USP50: variants seen among roughly 807,000 people sequenced by gnomAD.
The protein encoded by USP50 is ubiquitin carboxyl-terminal hydrolase 50.
In USP50, 37 loss-of-function variants were observed where a neutral mutation model predicts 39.2. The observed-to-expected ratio is 0.94, with a 90% CI of 0.73 to 1.24. The LOEUF (loss-of-function observed/expected upper bound fraction) is 1.24, where lower values mean the gene tolerates loss of function less well. Ranked by LOEUF, USP50 falls within the 50% of genes most tolerant of loss-of-function variation. The pLI, the probability that USP50 is intolerant of heterozygous loss-of-function variation, is 0.00. For synonymous variants in USP50, 139 were observed against 144.5 expected (o/e 0.96, Z 0.27); for missense variants, 374 against 398.2 (o/e 0.94, Z 0.52).
chr15:50,527,611 C>T (rs1484528628), intron 6 of USP50, among the ~76,000 whole-genome samples: 1 of 151,572 alleles, frequency 6.6e-6, no homozygotes, highest in Non-Finnish European at 1.5e-5. Context: ...TGTCATGCAT[C>T]ATAATTTCAA....
At position 50,546,600 on chromosome 15, in the gene USP50, C is replaced by G. The variant is rs1365291267; in HGVS notation, c.-75G>C. The G allele has an allele frequency of 1.1e-5, 17 of 1,542,996 alleles. No individual in the cohort carries two copies. Among genetic ancestry groups the G allele is most frequent in the Non-Finnish European group, 1.4e-5 (16 of 1,117,322 alleles). ...TTCCTTTCAACTTCATTTCTCTGAG[C>G]CTGTTAACGCTGGCTTTTTGTTTTA... On this transcript the variant is annotated 5_prime_UTR_variant, in exon 1 of 7. Transcript: ENST00000532404.
intron 1 of USP50, among the ~76,000 whole-genome samples, chr15:50,545,714 C>T (rs1186099940): frequency 6.6e-6 from 1 of 151,780 alleles, no homozygotes; most frequent in Admixed American, 6.6e-5. Flanking sequence ...CACACATATA[C>T]ACGGAGAGGA....
At chr15:50,519,453 G>A (rs763168173) in intron 6 of USP50, among the ~76,000 whole-genome samples, 12 of 150,740 alleles carry the variant, frequency 8.0e-5, no homozygotes, top group East Asian at 2.0e-4. Flanking sequence ...GGTGGCTCAC[G>A]CCTGTAATCC....
rs777593489 is a variant in USP50, at chr15:50,541,218, C to T, written c.491G>A (p.Arg164Lys). Residue 164 changes from arginine (R) to lysine (K), a missense_variant, in exon 4 of 7, where the codon AGA (arginine) becomes AAA (lysine). Arg to Lys is a conservative substitution (Grantham distance 26). Coordinates refer to ENST00000532404, the MANE Select transcript of USP50 (RefSeq NM_203494.5). ...AGTGGTAATCCACTTCCTGCAGCATCTCTGAGTAGATCCTTTCTCATATGA... is the reference window on the plus strand; with the variant it reads ...AGTGGTAATCCACTTCCTGCAGCATTTCTGAGTAGATCCTTTCTCATATGA... ...RRSYEKGSTQRCCRKWITTET... is the reference protein window; with the variant it reads ...RRSYEKGSTQKCCRKWITTET... 1.2e-6 allele frequency: 2 copies of T among 1,613,936 alleles called. No individual in the cohort carries two copies. The highest frequency in any genetic ancestry group is 1.7e-5 in the Admixed American group (1 of 60,014).
chr15:50,497,340 C>G (rs1210420605), downstream of USP50: 1 of 1,341,192 alleles, frequency 7.5e-7, no homozygotes, highest in Non-Finnish European at 9.9e-7. Context: ...TAACAAAGGG[C>G]GATTATCTGG....
intron 6 of USP50, among the ~76,000 whole-genome samples, chr15:50,523,175 C>CTTTTTTTTTTTTTTTTTTTTT (rs57450027): frequency 1.9e-5 from 2 of 104,208 alleles, no homozygotes; most frequent in African/African-American, 7.4e-5. Flanking sequence ...AAATCAGTAG[C>CTTTTTTTTTTTTTTTTTTTTT]TTTTTTTTTT....
At chr15:50,545,003 C>T (rs1445004988) in intron 1 of USP50, among the ~76,000 whole-genome samples, 6 of 151,920 alleles carry the variant, frequency 3.9e-5, no homozygotes, top group Admixed American at 1.3e-4. Context: ...TTTGGGAGGC[C>T]GAGGTGGGAG....
chr15:50,493,825 C>T (rs2052269882), downstream of USP50: 1 of 646,554 alleles, frequency 1.5e-6, no homozygotes, highest in Non-Finnish European at 2.8e-6. Flanking sequence ...ACCTCGCTGT[C>T]ATGAACTGGA....
At chr15:50,516,139 A>G (rs1200489452) in intron 6 of USP50, among the ~76,000 whole-genome samples, 1 of 152,214 alleles carries the variant, frequency 6.6e-6, no homozygotes, top group African/African-American at 2.4e-5. Flanking sequence ...CACAAAGCCA[A>G]AACCTAAAAA....
chr15:50,507,482 C>G (rs968019023), intron 6 of USP50: 3 of 152,102 alleles, frequency 2.0e-5, no homozygotes, highest in Admixed American at 6.5e-5. Context: ...AGCTATACAT[C>G]AGCTAAAATG....
chr15:50,530,464 A>G (rs906410948), intron 5 of USP50, among the ~76,000 whole-genome samples: 2 of 151,252 alleles, frequency 1.3e-5, no homozygotes, highest in Non-Finnish European at 2.9e-5. Context: ...GATGCCTGTA[A>G]TCCCAGCTAC....
chr15:50,544,360 TCAA>T (rs1022376659), intron 2 of USP50, among the ~76,000 whole-genome samples: 4 of 150,696 alleles, frequency 2.7e-5, no homozygotes, highest in Non-Finnish European at 4.4e-5. Context: ...AGACCCTGGC[TCAA>T]CAACAACAAT....
At chr15:50,521,727 C>T (rs1419393489) in intron 6 of USP50, among the ~76,000 whole-genome samples, 2 of 152,108 alleles carry the variant, frequency 1.3e-5, no homozygotes, top group Admixed American at 6.5e-5. Flanking sequence ...CTTTGGGAGG[C>T]CAAGGCAGGT....
chr15:50,505,215 C>T (rs888563420), intron 6 of USP50: 1 of 151,738 alleles, frequency 6.6e-6, no homozygotes, highest in Non-Finnish European at 1.5e-5. Context: ...GGAAATGCAG[C>T]GAGCCAGGGA....
At chr15:50,522,071 G>A (rs1468139462) in intron 6 of USP50, among the ~76,000 whole-genome samples, 3 of 152,116 alleles carry the variant, frequency 2.0e-5, no homozygotes, top group Non-Finnish European at 2.9e-5. Flanking sequence ...GGATAGTCTA[G>A]AAGAAATGTA....
chr15:50,518,378 G>T (rs1001263488), intron 6 of USP50, among the ~76,000 whole-genome samples: 6 of 151,454 alleles, frequency 4.0e-5, no homozygotes, highest in Non-Finnish European at 5.9e-5. Context: ...CCACCACCAC[G>T]CCCGGCTAAT....
chr15:50,545,908 G>C (rs377262490), intron 1 of USP50, among the ~76,000 whole-genome samples: 3 of 151,244 alleles, frequency 2.0e-5, no homozygotes, highest in Non-Finnish European at 1.5e-5. Flanking sequence ...ACACAGGTTC[G>C]TCTAAATGAC....
At chr15:50,503,866 A>G (rs1012857797) in intron 6 of USP50, 3 of 152,250 alleles carry the variant, frequency 2.0e-5, no homozygotes, top group Admixed American at 1.3e-4. Flanking sequence ...ACAATTTATC[A>G]TAAGAGTCAG....
chr15:50,522,835 A>C (rs1430613833), intron 6 of USP50, among the ~76,000 whole-genome samples: 1 of 152,044 alleles, frequency 6.6e-6, no homozygotes, highest in Non-Finnish European at 1.5e-5. Context: ...TTTAGTAAAG[A>C]CAAGTTTTCA....
Sources: allele counts gnomAD v4.1 joint callset (sites outside exome capture counted in the v4.1 genomes callset), GRCh38; gene constraint gnomAD v4.1.1; transcripts MANE v1.5; gene names NCBI Gene and HGNC (gene_info 2026-07-23, HGNC 2026-07-21).